EFCAB5: variants seen among roughly 807,000 people sequenced by gnomAD.
The protein encoded by EFCAB5 is EF-hand calcium binding domain 5, also known as EF-hand calcium-binding domain-containing protein 5.
EFCAB5 carries 131 observed loss-of-function variants against 167.9 expected under a neutral mutation model. The observed-to-expected ratio is 0.78, with a 90% CI of 0.68 to 0.90. The LOEUF is 0.90. Among genes scored for constraint, EFCAB5 ranks in the 40% least tolerant of loss-of-function variants. The probability of loss-of-function intolerance (pLI) is 0.00; values close to 1 mark genes in which losing one functional copy is unlikely to be tolerated. For missense variants in EFCAB5, 1,663 were observed against 1,745.2 expected, an observed-to-expected ratio of 0.95 and a Z score of 0.84; for synonymous variants, 574 against 602.8, an observed-to-expected ratio of 0.95 and a Z score of 0.70.
chr17:29,934,230 C>A (rs1277840948), intron 1 of EFCAB5, among the ~76,000 whole-genome samples: 2 of 152,062 alleles, frequency 1.3e-5, no homozygotes, highest in Admixed American at 1.3e-4. Context: ...TTAGTTCATA[C>A]AAGTAGGTGA....
At chr17:30,064,568 A>C (rs1381029240) in intron 14 of EFCAB5, among the ~76,000 whole-genome samples, 1 of 152,196 alleles carries the variant, frequency 6.6e-6, no homozygotes, top group African/African-American at 2.4e-5. Flanking sequence ...TTCCAGAAGG[A>C]GAAGAGAAGG....
At chr17:29,938,705 A>G (rs1448406264), upstream of EFCAB5, among the ~76,000 whole-genome samples, 1 of 152,180 alleles carries the variant, frequency 6.6e-6, no homozygotes, top group Non-Finnish European at 1.5e-5. Flanking sequence ...TTCTTTGCCC[A>G]TCTATAAGAA....
chr17:30,100,119 T>A (rs2071361316), intron 22 of EFCAB5, among the ~76,000 whole-genome samples: 2 of 152,182 alleles, frequency 1.3e-5, no homozygotes, highest in Admixed American at 6.5e-5. Context: ...GATTTAGGAT[T>A]CCACTTTTCT....
At chr17:30,042,123 C>G (rs1326064304) in intron 8 of EFCAB5, among the ~76,000 whole-genome samples, 1 of 152,038 alleles carries the variant, frequency 6.6e-6, no homozygotes, top group Non-Finnish European at 1.5e-5. Context: ...ATTCTCCTGC[C>G]TTTGCCTCTG....
At chr17:29,951,039 C>T (rs186118379) in intron 3 of EFCAB5, among the ~76,000 whole-genome samples, 3 of 152,292 alleles carry the variant, frequency 2.0e-5, no homozygotes, top group Admixed American at 2.0e-4. Context: ...TCCCTCTTCC[C>T]CCACCCAAAG....
chr17:30,025,749 C>G (rs1034049983), intron 7 of EFCAB5, among the ~76,000 whole-genome samples: 19 of 152,196 alleles, frequency 1.2e-4, no homozygotes, highest in Middle Eastern at 3.4e-3. Flanking sequence ...ATTCACAATA[C>G]CAAAGACTTG....
At chr17:29,960,755 C>T (rs1267234815) in intron 3 of EFCAB5, among the ~76,000 whole-genome samples, 1 of 152,084 alleles carries the variant, frequency 6.6e-6, no homozygotes, top group Admixed American at 6.5e-5. Context: ...AGTATCTGGG[C>T]CCCTGCTTTC....
At chr17:30,073,795 A>G (rs1246749717) in intron 14 of EFCAB5, 4 of 532,738 alleles carry the variant, frequency 7.5e-6, no homozygotes, top group Admixed American at 2.9e-5. Context: ...GCACTGTGAC[A>G]CTCACCTGTA....
intron 3 of EFCAB5, among the ~76,000 whole-genome samples, chr17:29,955,076 T>TAAC (rs1567676040): frequency 2.0e-5 from 3 of 152,208 alleles, no homozygotes; most frequent in Non-Finnish European, 4.4e-5. Context: ...TTGCTTTTGA[T>TAAC]TTTACAGGCT....
intron 7 of EFCAB5, among the ~76,000 whole-genome samples, chr17:30,026,677 C>G (rs2069331676): frequency 6.6e-6 from 1 of 152,090 alleles, no homozygotes; most frequent in Non-Finnish European, 1.5e-5. Context: ...CTTGGTTTCA[C>G]CTTCCCATCC....
intron 7 of EFCAB5, among the ~76,000 whole-genome samples, chr17:30,005,065 G>A (rs537769702): frequency 2.0e-5 from 3 of 152,188 alleles, no homozygotes; most frequent in African/African-American, 7.2e-5. Context: ...CAGTGTTAGA[G>A]TCCCAGAAAT....
chr17:29,999,225 A>C (rs937887687), intron 6 of EFCAB5, among the ~76,000 whole-genome samples: 1 of 152,154 alleles, frequency 6.6e-6, no homozygotes, highest in African/African-American at 2.4e-5. Context: ...TCCTATTTGA[A>C]AAAAAGCTAC....
At chr17:30,022,696 G>C (rs1377596501) in intron 7 of EFCAB5, among the ~76,000 whole-genome samples, 1 of 152,140 alleles carries the variant, frequency 6.6e-6, no homozygotes, top group African/African-American at 2.4e-5. Context: ...AATTTAAAAG[G>C]TAGAATATAC....
intron 22 of EFCAB5, among the ~76,000 whole-genome samples, chr17:30,093,757 C>T (rs202083747): frequency 3.8e-4 from 58 of 152,250 alleles, no homozygotes; most frequent in African/African-American, 1.4e-3. Flanking sequence ...AGCCCATAGG[C>T]TCCCCAATCA....
chr17:29,966,135 A>C (rs1209211497), intron 3 of EFCAB5, among the ~76,000 whole-genome samples: 1 of 152,198 alleles, frequency 6.6e-6, no homozygotes, highest in African/African-American at 2.4e-5. Flanking sequence ...GTAAATTCAC[A>C]GTGTTATGCA....
chr17:29,971,799 A>G (rs1294163396), intron 4 of EFCAB5, among the ~76,000 whole-genome samples: 2 of 152,122 alleles, frequency 1.3e-5, no homozygotes, highest in African/African-American at 2.4e-5. Flanking sequence ...TTAATTACAG[A>G]TTTTTCAGAA....
intron 3 of EFCAB5, among the ~76,000 whole-genome samples, chr17:29,946,685 G>A (rs553717780): frequency 5.7e-4 from 86 of 151,876 alleles, no homozygotes; most frequent in Non-Finnish European, 1.0e-3. Context: ...TGATCCACCC[G>A]CCTTGGCCTC....
chr17:29,969,313 T>C lies in EFCAB5; in HGVS notation c.713T>C (p.Met238Thr), dbSNP rs1459571799. Residue 238 changes from methionine (M) to threonine (T), a missense_variant, in exon 4 of 23, where the codon ATG becomes ACG. Transcript: ENST00000394835. ...GGAATGTCTGGTTACCAGAGGTTGA[T>C]GAAAGAAGTCACAGAAGACCTGAAG... ...DPGMSGYQRL[M>T]KEVTEDLKIY... The C allele has an allele frequency of 1.2e-6, 2 of 1,610,868 alleles. No homozygotes were observed. Among genetic ancestry groups the C allele is most frequent in the Admixed American group, 1.7e-5 (1 of 59,342 alleles).
rs191745617 is a variant in EFCAB5 at position 30,086,626 on chromosome 17, C to T, written c.3580-437C>T. ...AATTAGCCGGGGCCGGGTGTGGTGGCTCACGCCTGTAATCTCAGCACTTTG... is the reference window on the plus strand; with the variant it reads ...AATTAGCCGGGGCCGGGTGTGGTGGTTCACGCCTGTAATCTCAGCACTTTG... On this transcript the variant is annotated intron_variant, in intron 18 of 22. Transcript: ENST00000394835. Among the ~76,000 whole-genome samples, 3 of 152,002 alleles carry T rather than the reference C, an allele frequency of 2.0e-5. No homozygotes were observed. In the East Asian group the frequency reaches 5.8e-4, roughly 29 times the overall value.
Sources: allele counts gnomAD v4.1 joint callset (sites outside exome capture counted in the v4.1 genomes callset), GRCh38; gene constraint gnomAD v4.1.1; transcripts MANE v1.5; gene names NCBI Gene and HGNC (gene_info 2026-07-23, HGNC 2026-07-21).